The following MAP2 variants were observed in gnomAD, a reference collection of about 807,000 sequenced individuals.
The protein encoded by MAP2 is microtubule-associated protein 2.
Under a neutral mutation model 137.6 loss-of-function variants are expected in MAP2, and 14 were observed. That is an observed-to-expected ratio of 0.10 (90% confidence interval 0.07 to 0.16). MAP2 has a LOEUF of 0.16. Ranked by LOEUF, MAP2 falls within the 10% of genes least tolerant of loss-of-function variation. The pLI, the probability that MAP2 is intolerant of heterozygous loss-of-function variation, is 1.00. For synonymous variants in MAP2, 786 were observed against 782.3 expected (o/e 1.00, Z -0.08); for missense variants, 2,088 against 2,191.5 (o/e 0.95, Z 0.94).
intron 13 of MAP2, 56 bp from the exon 14 acceptor site, chr2:209,725,653 T>C (rs1478653747): frequency 1.7e-6 from 2 of 1,158,436 alleles, no homozygotes; most frequent in Non-Finnish European, 2.4e-6. Flanking sequence ...ATGTATGAGC[T>C]TGGGTTTTTG....
intron 1 of MAP2, among the ~76,000 whole-genome samples, chr2:209,488,782 C>G (rs980589913): frequency 2.6e-5 from 4 of 152,170 alleles, no homozygotes; most frequent in African/African-American, 9.6e-5. Flanking sequence ...AAGGCAGCAG[C>G]CCCAGTCAGG....
At position 209,653,365 on chromosome 2, in the gene MAP2, C is replaced by G. The variant is rs2094929207; in HGVS notation, c.195C>G (p.Gly65=). The change falls in exon 5 of 16, where the codon GGC becomes GGG. Residue 65 remains glycine (G), a synonymous_variant. Coordinates refer to ENST00000682079, the MANE Select transcript of MAP2 (RefSeq NM_001375505.1). ...EGAFGEHGSQ[G]TYSNTKENGI... ...CCTTTGGAGAGCATGGGTCACAGGG[C>G]ACCTATTCAAATACCAAAGAGAATG... 4 of 1,613,864 alleles carry G rather than the reference C, an allele frequency of 2.5e-6. No homozygotes were observed. Among genetic ancestry groups the G allele is most frequent in the Non-Finnish European group, 2.5e-6 (3 of 1,179,936 alleles).
In MAP2 at chr2:209,731,303, T is replaced by G. The variant is rs2075742201; in HGVS notation, c.*906T>G. The G allele has an allele frequency of 6.6e-6, 1 of 152,402 alleles. No homozygotes were observed. The highest frequency in any genetic ancestry group is 2.4e-5 in the African/African-American group (1 of 41,416). The allele number at this position is 152,402 out of a possible 1,614,324, so 9.4% of individuals were successfully genotyped here. On this transcript the variant is annotated 3_prime_UTR_variant, in exon 16 of 16. Transcript: ENST00000682079. Reference sequence around the variant, plus strand: ...GCAATTTTAGATATGTGAAAGTAGATGTTAGCAGGGTTCTCTCCCTATTTA... The same window carrying G: ...GCAATTTTAGATATGTGAAAGTAGAGGTTAGCAGGGTTCTCTCCCTATTTA...
rs1354934734 is a variant in MAP2 at position 209,710,139 on chromosome 2, C to A, written c.4958C>A (p.Ser1653Tyr). 6.2e-7 allele frequency: 1 copy of A among 1,614,074 alleles called. No homozygotes were observed. Among genetic ancestry groups the A allele is most frequent in the East Asian group, 2.2e-5 (1 of 44,876 alleles). The change falls in exon 13 of 16, where the codon TCT becomes TAT. Residue 1653 changes from serine (S) to tyrosine (Y), a missense_variant. By Grantham distance (144) the Ser-to-Tyr change is moderately radical. Coordinates refer to ENST00000682079, the MANE Select transcript of MAP2 (RefSeq NM_001375505.1). ...GCCATCATACGTACTCCTCCAAAATCTCCTGCGACTCCCAAGCAGCTTCGG... is the reference window on the plus strand; with the variant it reads ...GCCATCATACGTACTCCTCCAAAATATCCTGCGACTCCCAAGCAGCTTCGG... ...KVAIIRTPPK[S>Y]PATPKQLRLI...
intron 12 of MAP2, among the ~76,000 whole-genome samples, 155 bp from the exon 13 acceptor site, chr2:209,709,759 C>T (rs1056417759): frequency 1.3e-5 from 2 of 151,998 alleles, no homozygotes; most frequent in Admixed American, 6.6e-5. Context: ...ATTTCAGAAA[C>T]GAGACTCTCA....
chr2:209,630,384 C>A (rs1182662951), intron 4 of MAP2, among the ~76,000 whole-genome samples: 1 of 152,136 alleles, frequency 6.6e-6, no homozygotes, highest in Non-Finnish European at 1.5e-5. Context: ...CTGCCCATTA[C>A]ACAAGCACAA....
At chr2:209,477,015 G>T (rs546237662) in intron 1 of MAP2, among the ~76,000 whole-genome samples, 20 of 152,252 alleles carry the variant, frequency 1.3e-4, no homozygotes, top group African/African-American at 4.8e-4. Context: ...TGGCACCCAT[G>T]ACGAAGACCA....
At chr2:209,533,603 A>G (rs1348694559) in intron 2 of MAP2, among the ~76,000 whole-genome samples, 1 of 152,204 alleles carries the variant, frequency 6.6e-6, no homozygotes, top group Admixed American at 6.5e-5. Context: ...CTTTTGTTGT[A>G]TGAAAAATTT....
At chr2:209,601,620 T>C (rs2083031802) in intron 3 of MAP2, among the ~76,000 whole-genome samples, 1 of 152,180 alleles carries the variant, frequency 6.6e-6, no homozygotes, top group Non-Finnish European at 1.5e-5. Context: ...TGTTTTCCTC[T>C]TGTGCTGCCA....
chr2:209,448,228 T>A (rs1241207820), intron 1 of MAP2, among the ~76,000 whole-genome samples: 1 of 152,102 alleles, frequency 6.6e-6, no homozygotes, highest in Non-Finnish European at 1.5e-5. Context: ...CATGTATAAA[T>A]ATGTAAAACA....
chr2:209,494,604 C>A (rs2059529725), intron 1 of MAP2, among the ~76,000 whole-genome samples: 1 of 152,122 alleles, frequency 6.6e-6, no homozygotes, highest in African/African-American at 2.4e-5. Flanking sequence ...GAATAATTTA[C>A]CCCTTGTTAG....
intron 1 of MAP2, among the ~76,000 whole-genome samples, chr2:209,496,403 G>A (rs12996619): frequency 0.03 from 4,627 of 152,228 alleles, 89 homozygotes; most frequent in South Asian, 0.069. Flanking sequence ...AATAATATGA[G>A]CTGTCTAGAC....
chr2:209,525,755 T>A (rs1242760126), intron 2 of MAP2, among the ~76,000 whole-genome samples: 1 of 152,154 alleles, frequency 6.6e-6, no homozygotes, highest in Non-Finnish European at 1.5e-5. Flanking sequence ...ACATATACAT[T>A]CTCAGGGAAT....
At chr2:209,638,830 A>T (rs548105215) in intron 4 of MAP2, among the ~76,000 whole-genome samples, 1 of 152,134 alleles carries the variant, frequency 6.6e-6, no homozygotes, top group Non-Finnish European at 1.5e-5. Context: ...TATCTTAATC[A>T]TCATCATTTT....
At chr2:209,494,278 T>C (rs1332022427) in intron 1 of MAP2, among the ~76,000 whole-genome samples, 3 of 151,740 alleles carry the variant, frequency 2.0e-5, no homozygotes, top group Non-Finnish European at 4.4e-5. Flanking sequence ...CCGGGGCCTG[T>C]TGGGGAGGTT....
Position 209,696,117 on chromosome 2 carries a change from A to G in MAP2, c.3947A>G (p.Gln1316Arg). ...AGCGTGCGTTTTGCAGCCCTAGAGCAGCCTGAGGTGGAAAGGAGACCATCT... is the reference window on the plus strand; with the variant it reads ...AGCGTGCGTTTTGCAGCCCTAGAGCGGCCTGAGGTGGAAAGGAGACCATCT... ...SHSVRFAALE[Q>R]PEVERRPSPH... is the part of the protein sequence containing the mutation. Residue 1316 changes from glutamine to arginine, a missense_variant, in exon 8 of 16, where the codon CAG (glutamine) becomes CGG (arginine). Transcript: ENST00000682079. The G allele has an allele frequency of 6.2e-7, 1 of 1,613,632 alleles. No individual in the cohort carries two copies. Among genetic ancestry groups the G allele is most frequent in the Non-Finnish European group, 8.5e-7 (1 of 1,179,786 alleles).
At chr2:209,585,135 G>A (rs1260199204) in intron 3 of MAP2, among the ~76,000 whole-genome samples, 1 of 151,944 alleles carries the variant, frequency 6.6e-6, no homozygotes, top group Non-Finnish European at 1.5e-5. Context: ...GAAGTTTAGG[G>A]AGGGAGGGCG....
chr2:209,720,276 A>G (rs1444595620), intron 13 of MAP2, among the ~76,000 whole-genome samples: 1 of 152,084 alleles, frequency 6.6e-6, no homozygotes, highest in African/African-American at 2.4e-5. Flanking sequence ...ACTATGAATT[A>G]TGTAGAAAAA....
At chr2:209,564,276 A>G (rs1401795177) in intron 2 of MAP2, among the ~76,000 whole-genome samples, 1 of 152,192 alleles carries the variant, frequency 6.6e-6, no homozygotes, top group Non-Finnish European at 1.5e-5. Context: ...TCATATTCAC[A>G]TATAGATTGA....
Sources: gnomAD v4.1 joint callset for allele counts (sites outside exome capture counted in the v4.1 genomes callset) on GRCh38, gnomAD v4.1.1 for gene constraint, MANE v1.5 for transcripts, NCBI Gene and HGNC (gene_info 2026-07-23, HGNC 2026-07-21) for gene names.